CTNNA2: variants seen among roughly 807,000 people sequenced by gnomAD.
CTNNA2 encodes the protein catenin alpha-2.
A neutral mutation model predicts 101.0 loss-of-function variants in CTNNA2; 42 were observed. The observed-to-expected ratio is 0.42, with a 90% CI of 0.32 to 0.54. CTNNA2 has a LOEUF of 0.54. CTNNA2 is among the 20% of genes least tolerant of loss of function. CTNNA2 has a pLI of 0.14. For synonymous variants in CTNNA2, 450 were observed against 456.4 expected, an observed-to-expected ratio of 0.99 and a Z score of 0.18; for missense variants, 871 against 1,223.1, an observed-to-expected ratio of 0.71 and a Z score of 4.29.
intron 7 of CTNNA2, among the ~76,000 whole-genome samples, chr2:80,178,281 G>C (rs1426020881): frequency 6.6e-6 from 1 of 152,200 alleles, no homozygotes; most frequent in Admixed American, 6.5e-5. Context: ...TTTATGGCTA[G>C]ATGGGTCAGA....
chr2:79,264,570 G>A (rs1674966384), intron 2 of CTNNA2, among the ~76,000 whole-genome samples: 1 of 152,066 alleles, frequency 6.6e-6, no homozygotes, highest in Admixed American at 6.6e-5. Context: ...CAGTTGAAAT[G>A]ACCAGACTGA....
At chr2:80,445,499 A>G (rs1308091191) in intron 9 of CTNNA2, among the ~76,000 whole-genome samples, 1 of 152,138 alleles carries the variant, frequency 6.6e-6, no homozygotes, top group African/African-American at 2.4e-5. Context: ...TGCAAGCTTA[A>G]TATTGCTGCT....
chr2:80,358,836 C>A (rs1418386819), intron 7 of CTNNA2, among the ~76,000 whole-genome samples: 1 of 151,890 alleles, frequency 6.6e-6, no homozygotes, highest in Admixed American at 6.6e-5. Flanking sequence ...TCACATCACT[C>A]TTTTGAAATA....
At chr2:79,769,443 A>T (rs1673416853) in intron 3 of CTNNA2, among the ~76,000 whole-genome samples, 1 of 152,140 alleles carries the variant, frequency 6.6e-6, no homozygotes, top group South Asian at 2.1e-4. Context: ...AAGTCAGTTG[A>T]TATTTTCATC....
At chr2:80,039,231 G>T (rs1695872034) in intron 7 of CTNNA2, among the ~76,000 whole-genome samples, 1 of 152,022 alleles carries the variant, frequency 6.6e-6, no homozygotes, top group African/African-American at 2.4e-5. Context: ...TAGGTAGAGT[G>T]CCCCTGCCCC....
chr2:79,427,631 A>T (rs1553410722), intron 4 of CTNNA2, among the ~76,000 whole-genome samples: 1 of 148,348 alleles, frequency 6.7e-6, no homozygotes, highest in Non-Finnish European at 1.5e-5. Flanking sequence ...TTAAAAAAAA[A>T]ATAATAACTG....
chr2:80,182,042 T>C (rs891263284), intron 7 of CTNNA2, among the ~76,000 whole-genome samples: 1 of 152,136 alleles, frequency 6.6e-6, no homozygotes, highest in Non-Finnish European at 1.5e-5. Flanking sequence ...AATGTATATA[T>C]GAAAGGGAGT....
At position 79,997,621 on chromosome 2, in the gene CTNNA2, C is replaced by T. The variant is rs1041916910; in HGVS notation, c.1056+87824C>T. Among the ~76,000 whole-genome samples the T allele has an allele frequency of 3.9e-5, 6 of 152,212 alleles. No individual in the cohort carries two copies. In the Middle Eastern group the frequency reaches 0.01, roughly 259 times the overall value. On this transcript the variant is annotated intron_variant, in intron 7 of 18. Coordinates refer to ENST00000402739, the MANE Select transcript of CTNNA2 (RefSeq NM_001282597.3). ...CCAACTTTGTGTGTTCTCAATTTCC[C>T]TCTCTGCGTATACAACTCTTTCATC...
intron 7 of CTNNA2, among the ~76,000 whole-genome samples, chr2:80,026,932 A>T (rs1410387297): frequency 6.6e-6 from 1 of 152,228 alleles, no homozygotes; most frequent in Admixed American, 6.5e-5. Flanking sequence ...GAATTCAGCC[A>T]CAATTAATAA....
At chr2:79,346,487 C>T (rs945623335) in intron 3 of CTNNA2, among the ~76,000 whole-genome samples, 7 of 152,058 alleles carry the variant, frequency 4.6e-5, no homozygotes, top group Admixed American at 2.6e-4. Flanking sequence ...CCCAGTCAAC[C>T]CTGTATGTCC....
At chr2:79,408,414 A>G (rs1344742838) in intron 4 of CTNNA2, among the ~76,000 whole-genome samples, 1 of 150,138 alleles carries the variant, frequency 6.7e-6, no homozygotes, top group Non-Finnish European at 1.5e-5. Context: ...TTAACTCGTC[A>G]TTTAGCATTA....
chr2:79,252,353 T>A (rs1674784019), intron 2 of CTNNA2, among the ~76,000 whole-genome samples: 1 of 152,182 alleles, frequency 6.6e-6, no homozygotes, highest in African/African-American at 2.4e-5. Flanking sequence ...TTTATTTTGT[T>A]AATTTGTTTA....
At chr2:80,641,786 T>C (rs890127908) in intron 18 of CTNNA2, among the ~76,000 whole-genome samples, 15 of 147,624 alleles carry the variant, frequency 1.0e-4, no homozygotes, top group African/African-American at 3.8e-4. Flanking sequence ...ATATCTTAGA[T>C]TATTAAAAGG....
upstream of CTNNA2, among the ~76,000 whole-genome samples, chr2:79,508,995 AT>A: frequency 1.6e-5 from 2 of 125,672 alleles, no homozygotes; most frequent in Non-Finnish European, 3.5e-5. Flanking sequence ...ATATATATAT[AT>A]ATATATATAT....
intron 7 of CTNNA2, among the ~76,000 whole-genome samples, chr2:80,215,853 C>G (rs564921632): frequency 1.3e-4 from 20 of 152,296 alleles, no homozygotes; most frequent in Admixed American, 1.1e-3. Context: ...ATGCCCTGCC[C>G]CCAGAGGTGG....
chr2:79,686,147 T>C (rs1683916359), intron 2 of CTNNA2, among the ~76,000 whole-genome samples: 1 of 152,030 alleles, frequency 6.6e-6, no homozygotes, highest in Non-Finnish European at 1.5e-5. Context: ...GGTAGACCCA[T>C]TGCAGGGAAA....
At chr2:79,967,865 C>A (rs373454418) in intron 7 of CTNNA2, among the ~76,000 whole-genome samples, 129 of 152,268 alleles carry the variant, frequency 8.5e-4, no homozygotes, top group Middle Eastern at 3.4e-3. Flanking sequence ...GTAATGTTCT[C>A]TAGCCATTAA....
intron 7 of CTNNA2, among the ~76,000 whole-genome samples, chr2:80,264,128 G>A (rs1325767562): frequency 1.3e-5 from 2 of 152,052 alleles, no homozygotes; most frequent in East Asian, 1.9e-4. Context: ...ATCCCCTTTA[G>A]AAGTGAAAGA....
chr2:79,891,364 T>C (rs1351095387), intron 6 of CTNNA2, among the ~76,000 whole-genome samples: 1 of 152,232 alleles, frequency 6.6e-6, no homozygotes, highest in African/African-American at 2.4e-5. Flanking sequence ...CTCTAATTAA[T>C]TTGAATATAT....
Sources: allele counts gnomAD v4.1 joint callset (sites outside exome capture counted in the v4.1 genomes callset), GRCh38; gene constraint gnomAD v4.1.1; transcripts MANE v1.5; gene names NCBI Gene and HGNC (gene_info 2026-07-23, HGNC 2026-07-21).